LYRM4: variants seen among roughly 807,000 people sequenced by gnomAD.
The protein encoded by LYRM4 is LYR motif-containing protein 4.
In LYRM4, 9 loss-of-function variants were observed where a neutral mutation model predicts 11.7. That is an observed-to-expected ratio of 0.77 (90% CI 0.46 to 1.34). The LOEUF (loss-of-function observed/expected upper bound fraction) is 1.34. Ranked by LOEUF, LYRM4 falls within the 40% of genes most tolerant of loss-of-function variation. LYRM4 has a pLI of 0.00. For synonymous variants in LYRM4, 42 were observed against 40.4 expected, an observed-to-expected ratio of 1.04 and a Z score of -0.15; for missense variants, 133 against 112.5, an observed-to-expected ratio of 1.18 and a Z score of -0.82.
intron 2 of LYRM4, among the ~76,000 whole-genome samples, chr6:5,121,805 C>A (rs1173463453): frequency 6.6e-6 from 1 of 152,234 alleles, no homozygotes; most frequent in African/African-American, 2.4e-5. Context: ...CTGCTTCATG[C>A]CACCAAAACC....
At position 5,241,605 on chromosome 6, in the gene LYRM4, TTGG is replaced by T. The variant is rs112038807; in HGVS notation, c.86+19040_86+19042del. Reference sequence around the variant, plus strand: ...CCAGTGTATTCAGTGATCAAAAGTATTGGAAGTTTCTGCTGTAACATAAATCTT... The same window carrying T: ...CCAGTGTATTCAGTGATCAAAAGTATAAGTTTCTGCTGTAACATAAATCTT... On this transcript the variant is annotated intron_variant, in intron 1 of 2. Coordinates refer to ENST00000330636, the MANE Select transcript of LYRM4 (RefSeq NM_020408.6). Among the ~76,000 whole-genome samples the T allele has an allele frequency of 4.4e-3, 663 of 152,310 alleles. 2 individuals are homozygous for T. The highest frequency in any genetic ancestry group is 0.015 in the African/African-American group (636 of 41,558).
At chr6:5,080,891 C>T in the LYRM4 span, among the ~76,000 whole-genome samples, 2 of 152,150 alleles carry the variant, frequency 1.3e-5, no homozygotes, top group Non-Finnish European at 2.9e-5. Flanking sequence ...CCAGCCCCAG[C>T]CTTCAAACCA....
chr6:5,065,539 T>C, the LYRM4 span, among the ~76,000 whole-genome samples: 1 of 152,214 alleles, frequency 6.6e-6, no homozygotes, highest in Non-Finnish European at 1.5e-5. Flanking sequence ...TAAATAGGAA[T>C]CTGAAACAAA....
intron 2 of LYRM4, among the ~76,000 whole-genome samples, chr6:5,157,536 A>G (rs1758489936): frequency 6.6e-6 from 1 of 152,134 alleles, no homozygotes; most frequent in Non-Finnish European, 1.5e-5. Flanking sequence ...GAAGACTGAA[A>G]TCTTACATTT....
At chr6:5,071,560 GTATA>G in the LYRM4 span, among the ~76,000 whole-genome samples, 228 of 151,106 alleles carry the variant, frequency 1.5e-3, 1 homozygote, top group African/African-American at 4.6e-3. Flanking sequence ...GTGTGTGTGT[GTATA>G]TGTATATGTA....
intron 2 of LYRM4, among the ~76,000 whole-genome samples, chr6:5,118,115 G>GTTTTGT (rs1171001808): frequency 1.2e-4 from 16 of 130,492 alleles, no homozygotes; most frequent in African/African-American, 4.0e-4. Context: ...GTTTTGTTTT[G>GTTTTGT]TTTTTTTTTT....
the LYRM4 span, among the ~76,000 whole-genome samples, chr6:5,061,133 G>A: frequency 6.6e-6 from 1 of 152,148 alleles, no homozygotes; most frequent in Non-Finnish European, 1.5e-5. Context: ...TTAATTAATT[G>A]TATTTTTTGG....
chr6:5,090,452 G>A, the LYRM4 span, among the ~76,000 whole-genome samples: 6 of 152,280 alleles, frequency 3.9e-5, no homozygotes, highest in East Asian at 1.9e-4. The surrounding 1 kb of genome is among the most constrained non-coding windows in gnomAD (Gnocchi z 4.8). Context: ...GGAAGTGTAC[G>A]GTGGACTCTG....
intron 2 of LYRM4, among the ~76,000 whole-genome samples, chr6:5,149,712 T>C (rs1164761864): frequency 6.6e-6 from 1 of 152,120 alleles, no homozygotes; most frequent in Non-Finnish European, 1.5e-5. Context: ...ATAATAAAAC[T>C]ATGAGGTAAT....
At chr6:5,070,966 C>T in the LYRM4 span, among the ~76,000 whole-genome samples, 8 of 150,944 alleles carry the variant, frequency 5.3e-5, no homozygotes, top group African/African-American at 1.5e-4. Context: ...CTGAGGTGGA[C>T]GGATCGCGAG....
intron 1 of LYRM4, among the ~76,000 whole-genome samples, chr6:5,250,972 T>C (rs773057686): frequency 3.9e-5 from 6 of 152,240 alleles, no homozygotes; most frequent in Non-Finnish European, 8.8e-5. Context: ...AACATCATTA[T>C]GCAAGGTGTC....
chr6:5,150,783 A>G (rs60478717), intron 2 of LYRM4, among the ~76,000 whole-genome samples: 15,437 of 152,100 alleles, frequency 0.1, 974 homozygotes, highest in South Asian at 0.24. Flanking sequence ...AGCTGAACCA[A>G]TCTCTTGCAG....
intron 2 of LYRM4, among the ~76,000 whole-genome samples, chr6:5,203,667 T>C (rs537354105): frequency 6.6e-6 from 1 of 152,346 alleles, no homozygotes; most frequent in African/African-American, 2.4e-5. Context: ...ACTTGGAATT[T>C]AGTCTTCACA....
At chr6:5,246,475 C>T (rs1764201727) in intron 1 of LYRM4, among the ~76,000 whole-genome samples, 1 of 152,150 alleles carries the variant, frequency 6.6e-6, no homozygotes, top group Non-Finnish European at 1.5e-5. Flanking sequence ...CTAAGAATTC[C>T]CCAACTACCA....
At chr6:5,052,851 C>T in the LYRM4 span, among the ~76,000 whole-genome samples, 1 of 152,190 alleles carries the variant, frequency 6.6e-6, no homozygotes, top group East Asian at 1.9e-4. Context: ...TTCACTCCTA[C>T]TCACTTCACT....
chr6:5,093,386 A>G, the LYRM4 span, among the ~76,000 whole-genome samples: 2 of 152,214 alleles, frequency 1.3e-5, no homozygotes, highest in Non-Finnish European at 2.9e-5. Flanking sequence ...GTGACAGTGG[A>G]GGGGGATGGA....
intron 1 of LYRM4, among the ~76,000 whole-genome samples, chr6:5,233,493 C>G (rs985996522): frequency 6.6e-6 from 1 of 152,172 alleles, no homozygotes; most frequent in Non-Finnish European, 1.5e-5. Context: ...CCCAGTGACA[C>G]CCATTATACT....
chr6:5,109,899 G>A (rs914485758), intron 2 of LYRM4, among the ~76,000 whole-genome samples: 3 of 152,316 alleles, frequency 2.0e-5, no homozygotes, highest in East Asian at 1.9e-4. Context: ...AATGGGCGCC[G>A]TCTATGCTGG....
the LYRM4 span, among the ~76,000 whole-genome samples, chr6:5,039,558 A>G: frequency 6.6e-6 from 1 of 152,180 alleles, no homozygotes; most frequent in Non-Finnish European, 1.5e-5. Flanking sequence ...AACATTGAAA[A>G]CGGCAATTAC....
Sources: gnomAD v4.1 joint callset for allele counts (sites outside exome capture counted in the v4.1 genomes callset) on GRCh38, gnomAD v4.1.1 for gene constraint, Gnocchi (gnomAD v3.1) non-coding constraint, MANE v1.5 for transcripts, NCBI Gene and HGNC (gene_info 2026-07-23, HGNC 2026-07-21) for gene names.